Variants in SPSB1 observed in about 807,000 individuals in gnomAD.
The protein encoded by SPSB1 is SPRY domain-containing SOCS box protein 1.
A neutral mutation model predicts 21.2 loss-of-function variants in SPSB1; 8 were observed. The observed-to-expected ratio is 0.38, with a 90% CI of 0.22 to 0.68. The LOEUF (loss-of-function observed/expected upper bound fraction) is 0.68, where lower values mean the gene tolerates loss of function less well. Ranked by LOEUF, SPSB1 falls within the 30% of genes least tolerant of loss-of-function variation. SPSB1 has a pLI of 0.53. For synonymous variants in SPSB1, 169 were observed against 161.7 expected, an observed-to-expected ratio of 1.05 and a Z score of -0.34; for missense variants, 242 against 377.8, an observed-to-expected ratio of 0.64 and a Z score of 2.98.
Position 9,356,002 on chromosome 1 carries a change from G to A in SPSB1, c.111G>A (p.Leu37=), listed in dbSNP as rs1640355832. The A allele has an allele frequency of 6.2e-7, 1 of 1,614,048 alleles. No individual in the cohort carries two copies. The part of the protein sequence containing the change: ...QGLDYCKPTR[L]DLLLDMPPVS... ...TGGATTACTGCAAGCCCACCCGGCT[G>A]GATCTGCTACTGGACATGCCCCCTG... The change falls in exon 2 of 3, where the codon CTG becomes CTA. Residue 37 remains leucine, a synonymous_variant. Transcript: ENST00000328089. The surrounding 1 kb of genome is among the most constrained non-coding windows in gnomAD (Gnocchi z 7.4).
rs139818122 is a variant in SPSB1 at position 9,306,439 on chromosome 1, T to C, written c.-150+13368T>C. On this transcript the variant is annotated intron_variant, in intron 1 of 2. Coordinates refer to ENST00000328089, the MANE Select transcript of SPSB1 (RefSeq NM_025106.4). Reference sequence around the variant, plus strand: ...AGGTGCATGGACCGGGGTCTGTCTATAGTGGGGTCAGTGACAATAGCCATC... The same window carrying C: ...AGGTGCATGGACCGGGGTCTGTCTACAGTGGGGTCAGTGACAATAGCCATC... 2.2e-3 allele frequency among the ~76,000 whole-genome samples: 332 copies of C among 152,128 alleles called. 1 individual carries two copies. Among genetic ancestry groups the C allele is most frequent in the African/African-American group, 7.7e-3 (318 of 41,496 alleles).
chr1:9,299,135 C>A (rs920288553), intron 1 of SPSB1, among the ~76,000 whole-genome samples: 7 of 152,236 alleles, frequency 4.6e-5, no homozygotes, highest in Non-Finnish European at 1.0e-4. Context: ...AAAATTCACA[C>A]ATCTCTGGTC....
intron 1 of SPSB1, chr1:9,339,136 G>A (rs12742286): frequency 0.55 from 474,671 of 867,190 alleles, 131,135 homozygotes; most frequent in Non-Finnish European, 0.57. Context: ...ACCCTACTGC[G>A]GGGGCTCCGG....
intron 1 of SPSB1, among the ~76,000 whole-genome samples, chr1:9,299,937 C>G (rs114591949): frequency 0.021 from 3,064 of 143,330 alleles, 37 homozygotes; most frequent in Non-Finnish European, 0.026. Context: ...TTACTCCAAC[C>G]TGGGCAACAG....
At chr1:9,357,748 C>A (rs568847950) in intron 2 of SPSB1, among the ~76,000 whole-genome samples, 1 of 152,154 alleles carries the variant, frequency 6.6e-6, no homozygotes, top group African/African-American at 2.4e-5. Context: ...GTAGGGGCAC[C>A]GTGCTGGTGT....
At chr1:9,326,114 C>T (rs1005246528) in intron 1 of SPSB1, among the ~76,000 whole-genome samples, 6 of 151,866 alleles carry the variant, frequency 4.0e-5, no homozygotes, top group African/African-American at 1.5e-4. Context: ...GCTGCCGACA[C>T]GTGGGGAGGT....
chr1:9,311,149 C>T (rs768532497), intron 1 of SPSB1, among the ~76,000 whole-genome samples: 1 of 133,866 alleles, frequency 7.5e-6, no homozygotes, highest in Admixed American at 7.9e-5. Context: ...CTAGACAGCG[C>T]AGGATAAAGG....
chr1:9,357,220 AATGG>A (rs143971636), intron 2 of SPSB1, among the ~76,000 whole-genome samples: 12 of 148,024 alleles, frequency 8.1e-5, no homozygotes, highest in African/African-American at 3.1e-4. Context: ...TCAGTGAATG[AATGG>A]ATGGATGGAT....
Position 9,310,175 on chromosome 1 carries a change from G to A in SPSB1, c.-150+17104G>A, listed in dbSNP as rs140887187. ...GCCGTGGGAAGGCCACAGAGTCTAG[G>A]GGCCATCTGTGATGATGCTCCTGCA... On this transcript the variant is annotated intron_variant, in intron 1 of 2. Transcript: ENST00000328089. Among the ~76,000 whole-genome samples, 1,169 of 148,438 alleles carry A rather than the reference G, an allele frequency of 7.9e-3. 21 individuals carry two copies. Among genetic ancestry groups the A allele is most frequent in the African/African-American group, 0.028 (1,079 of 37,968 alleles).
At chr1:9,340,168 A>G (rs1640068084) in intron 1 of SPSB1, among the ~76,000 whole-genome samples, 1 of 152,136 alleles carries the variant, frequency 6.6e-6, no homozygotes, top group South Asian at 2.1e-4. Flanking sequence ...TCGCCCCTGT[A>G]GGAACTGTTC....
At chr1:9,352,697 TCACC>T (rs1640282734) in intron 1 of SPSB1, among the ~76,000 whole-genome samples, 1 of 151,032 alleles carries the variant, frequency 6.6e-6, no homozygotes, top group African/African-American at 2.4e-5. Context: ...TCACCCCACT[TCACC>T]CTTTCAGAGC....
chr1:9,367,453 C>A lies in SPSB1; in HGVS notation c.700C>A (p.Pro234Thr). The stretch of plus-strand genomic sequence containing the variant: ...CAGTTTCTCTGTCTCCCCAGCCGAG[C>A]CGCTGCCGCTCATGGATTTGTGCCG... ...MRYLNGLDPE[P>T]LPLMDLCRRS... The change falls in exon 3 of 3, where the codon CCG becomes ACG. Residue 234 changes from proline (P) to threonine (T), a missense_variant. Pro to Thr is a conservative substitution (Grantham distance 38, BLOSUM62 -1). Transcript: ENST00000328089. The surrounding 1 kb of genome is among the most constrained non-coding windows in gnomAD (Gnocchi z 5.9). 6.2e-7 allele frequency: 1 copy of A among 1,613,694 alleles called. No individual in the cohort carries two copies. The highest frequency in any genetic ancestry group is 8.5e-7 in the Non-Finnish European group (1 of 1,179,962).
At chr1:9,308,721 G>A (rs1639462384) in intron 1 of SPSB1, among the ~76,000 whole-genome samples, 1 of 152,224 alleles carries the variant, frequency 6.6e-6, no homozygotes, top group Admixed American at 6.5e-5. Flanking sequence ...GTTTACAGAT[G>A]AGAAAGGAGG....
intron 2 of SPSB1, among the ~76,000 whole-genome samples, chr1:9,361,160 T>C (rs796813058): frequency 0.57 from 62,680 of 110,796 alleles, 20,736 homozygotes; most frequent in East Asian, 0.73. Context: ...CATTTTCTTT[T>C]TTTTTTTTTT....
At chr1:9,313,953 A>G (rs1250093274) in intron 1 of SPSB1, among the ~76,000 whole-genome samples, 1 of 152,186 alleles carries the variant, frequency 6.6e-6, no homozygotes. Context: ...AGGCGGGCGG[A>G]TCACTTGAGG....
intron 1 of SPSB1, among the ~76,000 whole-genome samples, chr1:9,298,337 C>T (rs1227485104): frequency 6.6e-6 from 1 of 152,126 alleles, no homozygotes; most frequent in African/African-American, 2.4e-5. Context: ...ATCAACTTCC[C>T]AGACTTAACC....
chr1:9,366,874 A>G (rs1038232984), intron 2 of SPSB1, among the ~76,000 whole-genome samples: 10 of 152,208 alleles, frequency 6.6e-5, no homozygotes, highest in African/African-American at 2.4e-4. Flanking sequence ...ATGCCCAGCT[A>G]GTCTTCAGCT....
intron 1 of SPSB1, among the ~76,000 whole-genome samples, chr1:9,341,227 C>T (rs1640086684): frequency 6.6e-6 from 1 of 152,228 alleles, no homozygotes; most frequent in East Asian, 1.9e-4. Context: ...CAGAGAGGCA[C>T]GGTACACACA....
chr1:9,367,689 A>G lies in SPSB1; in HGVS notation c.*114A>G, dbSNP rs566779186. 4.2e-6 allele frequency: 6 copies of G among 1,427,040 alleles called. No homozygotes were observed. The highest frequency in any genetic ancestry group is 5.6e-6 in the Non-Finnish European group (6 of 1,078,702). The allele number at this position is 1,427,040 out of a possible 1,614,324, so 88.4% of individuals were successfully genotyped here. A position where few individuals can be genotyped will look rare whatever the true frequency, so the allele number is the denominator to read the frequency against. On this transcript the variant is annotated 3_prime_UTR_variant, in exon 3 of 3. Transcript: ENST00000328089. The surrounding 1 kb of genome is among the most constrained non-coding windows in gnomAD (Gnocchi z 5.9). Reference sequence around the variant, plus strand: ...GACCGGCATCCGTAGCCATGGACAGAGGTCCCTGGTCTTCCCTCATCCTCC... The same window carrying G: ...GACCGGCATCCGTAGCCATGGACAGGGGTCCCTGGTCTTCCCTCATCCTCC...
Sources: allele counts gnomAD v4.1 joint callset (sites outside exome capture counted in the v4.1 genomes callset), GRCh38; gene constraint gnomAD v4.1.1; non-coding constraint Gnocchi (gnomAD v3.1); transcripts MANE v1.5; gene names NCBI Gene and HGNC (gene_info 2026-07-23, HGNC 2026-07-21).